The following SLIT3 variants were observed in gnomAD, a reference collection of about 807,000 sequenced individuals.
SLIT3 encodes slit guidance ligand 3, also known as slit homolog 3 protein.
A neutral mutation model predicts 184.0 loss-of-function variants in SLIT3; 68 were observed. The ratio of observed to expected loss-of-function variants is 0.37; its 90% CI spans 0.30 to 0.45. SLIT3 has a LOEUF of 0.45. Among genes scored for constraint, SLIT3 ranks in the 20% least tolerant of loss-of-function variants. The pLI, the probability that SLIT3 is intolerant of heterozygous loss-of-function variation, is 1.00. For missense variants in SLIT3, 1,707 were observed against 2,026.0 expected (o/e 0.84, Z 3.02); for synonymous variants, 831 against 828.6 (o/e 1.00, Z -0.05).
At chr5:168,900,447 T>A (rs1415816937) in intron 4 of SLIT3, among the ~76,000 whole-genome samples, 2 of 152,124 alleles carry the variant, frequency 1.3e-5, no homozygotes, top group Non-Finnish European at 2.9e-5. Flanking sequence ...AAAACTCATC[T>A]CTACAAAAAA....
intron 3 of SLIT3, among the ~76,000 whole-genome samples, chr5:169,235,560 C>G (rs912405452): frequency 6.6e-6 from 1 of 152,134 alleles, no homozygotes; most frequent in Non-Finnish European, 1.5e-5. Flanking sequence ...AAAGTCAATA[C>G]TTTTTTCAGA....
intron 4 of SLIT3, among the ~76,000 whole-genome samples, chr5:168,907,907 G>T (rs369194648): frequency 1.2e-4 from 8 of 68,964 alleles, no homozygotes; most frequent in Non-Finnish European, 2.4e-4. Context: ...TATATATATA[G>T]ATCTATCTAT....
At chr5:168,882,423 G>A (rs752013385) in intron 5 of SLIT3, among the ~76,000 whole-genome samples, 8 of 152,286 alleles carry the variant, frequency 5.3e-5, no homozygotes, top group Middle Eastern at 3.4e-3. Context: ...AAAATGTCAC[G>A]CTGGAACAGT....
At chr5:168,908,745 G>GAAA (rs2113069129) in intron 4 of SLIT3, among the ~76,000 whole-genome samples, 1 of 152,230 alleles carries the variant, frequency 6.6e-6, no homozygotes, top group African/African-American at 2.4e-5. Context: ...GAAATCATAC[G>GAAA]AAAAGTAGGC....
intron 4 of SLIT3, among the ~76,000 whole-genome samples, chr5:169,078,359 C>G (rs768852490): frequency 1.3e-5 from 2 of 152,122 alleles, no homozygotes; most frequent in Non-Finnish European, 2.9e-5. Context: ...GTCAGGAACT[C>G]TGGGGGCTGC....
intron 3 of SLIT3, 44 bp from the exon 4 acceptor site, chr5:169,193,594 C>G (rs374286363): frequency 1.8e-5 from 26 of 1,419,910 alleles, no homozygotes; most frequent in Non-Finnish European, 2.0e-6. Context: ...GGACATTAAA[C>G]CAGATCAAAC....
Position 168,774,244 on chromosome 5 carries a change from A to T in SLIT3, c.1286T>A (p.Ile429Asn). 1 of 1,611,174 alleles carries T rather than the reference A, an allele frequency of 6.2e-7. No homozygotes were observed. Among genetic ancestry groups the T allele is most frequent in the Non-Finnish European group, 8.5e-7 (1 of 1,178,682 alleles). Reference protein sequence around the residue: ...SKGLFAPLQSIQTLHLAQNPF... With the variant: ...SKGLFAPLQSNQTLHLAQNPF... ...GAGGCAGTGTACTCACAGTGTCTGG[A>T]TGGACTGCAGAGGGGCGAAGAGCCC... The change falls in exon 13 of 36, where the codon ATC (isoleucine) becomes AAC (asparagine). Residue 429 changes from isoleucine (I) to asparagine (N), a missense_variant. Coordinates refer to ENST00000519560, the MANE Select transcript of SLIT3 (RefSeq NM_003062.4).
chr5:169,212,672 T>C (rs909679251), intron 3 of SLIT3, among the ~76,000 whole-genome samples: 1 of 152,218 alleles, frequency 6.6e-6, no homozygotes, highest in African/African-American at 2.4e-5. Flanking sequence ...AGACATGGTG[T>C]TTTAGACATG....
At chr5:168,960,956 G>A (rs1762983803) in intron 4 of SLIT3, among the ~76,000 whole-genome samples, 1 of 152,226 alleles carries the variant, frequency 6.6e-6, no homozygotes, top group South Asian at 2.1e-4. Context: ...TGTGTCCTAA[G>A]AACTGACAAT....
intron 3 of SLIT3, among the ~76,000 whole-genome samples, chr5:169,238,120 C>T (rs1388937834): frequency 6.6e-6 from 1 of 152,148 alleles, no homozygotes; most frequent in Non-Finnish European, 1.5e-5. Context: ...TATAGCTTTA[C>T]AGTAAGTCTT....
intron 4 of SLIT3, among the ~76,000 whole-genome samples, chr5:169,067,137 C>T (rs1469581761): frequency 2.0e-5 from 3 of 152,126 alleles, no homozygotes; most frequent in African/African-American, 7.2e-5. Context: ...TGGCCGGGTA[C>T]AGTGGCTCAT....
chr5:169,087,607 G>A (rs1759362945), intron 4 of SLIT3, among the ~76,000 whole-genome samples: 1 of 152,142 alleles, frequency 6.6e-6, no homozygotes, highest in South Asian at 2.1e-4. Flanking sequence ...AATATTATAT[G>A]ATCATCTAAA....
At chr5:168,765,187 C>A (rs1755300387) in intron 14 of SLIT3, among the ~76,000 whole-genome samples, 1 of 152,206 alleles carries the variant, frequency 6.6e-6, no homozygotes, top group African/African-American at 2.4e-5. Flanking sequence ...TGGCTGGGGA[C>A]AGCCGCCTAT....
intron 3 of SLIT3, among the ~76,000 whole-genome samples, chr5:169,222,493 C>A (rs1764646495): frequency 6.6e-6 from 1 of 151,902 alleles, no homozygotes; most frequent in Admixed American, 6.6e-5. Flanking sequence ...TCTCAGGTGA[C>A]AATTACTTGT....
chr5:169,085,468 G>GT (rs1233906841), intron 4 of SLIT3, among the ~76,000 whole-genome samples: 2 of 152,170 alleles, frequency 1.3e-5, no homozygotes, highest in Non-Finnish European at 2.9e-5. Context: ...CGTGGGAGGG[G>GT]TTTTTTCTTT....
At chr5:169,070,064 T>C (rs1000707512) in intron 4 of SLIT3, among the ~76,000 whole-genome samples, 7 of 151,874 alleles carry the variant, frequency 4.6e-5, no homozygotes, top group African/African-American at 1.7e-4. Context: ...TGAAAAGTGA[T>C]ATTTGGAAGG....
At chr5:168,830,039 A>G (rs113580723) in intron 6 of SLIT3, among the ~76,000 whole-genome samples, 76 of 152,198 alleles carry the variant, frequency 5.0e-4, no homozygotes, top group African/African-American at 1.8e-3. Context: ...TGGGCAGCCA[A>G]CATGGGACCA....
intron 4 of SLIT3, among the ~76,000 whole-genome samples, chr5:168,992,735 A>G (rs565367405): frequency 6.6e-6 from 1 of 152,334 alleles, no homozygotes; most frequent in African/African-American, 2.4e-5. Flanking sequence ...GTTCCAAGGG[A>G]CAGAGTCTGA....
chr5:169,138,301 G>T (rs991850915), intron 4 of SLIT3, among the ~76,000 whole-genome samples: 1 of 152,280 alleles, frequency 6.6e-6, no homozygotes, highest in East Asian at 1.9e-4. Context: ...ACTGGTGGAC[G>T]GAAAAGAGCG....
Sources: gnomAD v4.1 joint callset for allele counts (sites outside exome capture counted in the v4.1 genomes callset) on GRCh38, gnomAD v4.1.1 for gene constraint, MANE v1.5 for transcripts, NCBI Gene and HGNC (gene_info 2026-07-23, HGNC 2026-07-21) for gene names.